BAZ2B: variants seen among roughly 807,000 people sequenced by gnomAD.
BAZ2B encodes the protein bromodomain adjacent to zinc finger domain 2B.
A neutral mutation model predicts 246.0 loss-of-function variants in BAZ2B; 91 were observed. That is an observed-to-expected ratio of 0.37 (90% CI 0.31 to 0.44). The LOEUF is 0.44. Among genes scored for constraint, BAZ2B ranks in the 20% least tolerant of loss-of-function variants. The probability of loss-of-function intolerance (pLI) is 1.00; values close to 1 mark genes in which losing one functional copy is unlikely to be tolerated. For missense variants in BAZ2B, 2,332 were observed against 2,533.7 expected, an observed-to-expected ratio of 0.92 and a Z score of 1.71; for synonymous variants, 855 against 860.0, an observed-to-expected ratio of 0.99 and a Z score of 0.10.
intron 1 of BAZ2B, among the ~76,000 whole-genome samples, chr2:159,568,556 TA>T (rs35757082): frequency 0.85 from 128,239 of 150,032 alleles, 56,975 homozygotes; most frequent in East Asian, 1. Flanking sequence ...ACTGAAAAGT[TA>T]AAAAAAAAAA....
At chr2:159,520,110 A>G (rs753160600) in intron 2 of BAZ2B, among the ~76,000 whole-genome samples, 12 of 152,194 alleles carry the variant, frequency 7.9e-5, no homozygotes, top group Non-Finnish European at 1.5e-4. Context: ...TTATACAAGA[A>G]AAAACAAGAT....
At chr2:159,360,572 T>TGACA (rs200555222) in intron 27 of BAZ2B, among the ~76,000 whole-genome samples, 5 of 151,974 alleles carry the variant, frequency 3.3e-5, no homozygotes, top group Non-Finnish European at 7.4e-5. Context: ...AAGCTACCAC[T>TGACA]TTCTTCACAG....
At chr2:159,647,495 G>A in the BAZ2B span, among the ~76,000 whole-genome samples, 2 of 152,238 alleles carry the variant, frequency 1.3e-5, no homozygotes, top group East Asian at 1.9e-4. Flanking sequence ...TGATTCAAAT[G>A]TACATTTCAT....
At chr2:159,611,922 A>G (rs886826655) in intron 1 of BAZ2B, among the ~76,000 whole-genome samples, 15 of 151,952 alleles carry the variant, frequency 9.9e-5, no homozygotes, top group Non-Finnish European at 2.1e-4. Flanking sequence ...CACCATGCAA[A>G]TAATTAGAAA....
rs2064488723 is a variant in BAZ2B at position 159,398,861 on chromosome 2, C to T, written c.2932G>A (p.Ala978Thr). Residue 978 changes from alanine (A) to threonine (T), a missense_variant, in exon 18 of 37, where the codon GCC becomes ACC. Around this residue, in one of 9 missense-constraint regions of BAZ2B, gnomAD observed 328 missense variants for 410.4 expected, o/e 0.80. Transcript: ENST00000392783. The part of the protein sequence containing the change: ...KKKKKEEAAN[A>T]KLLEAEKRIK... ...CGTTTCTCGGCCTCCAATAATTTGG[C>T]ATTTGCCGCTTCTTCCTTCTTTTTC... 1 of 1,611,278 alleles carries T rather than the reference C, an allele frequency of 6.2e-7. No homozygotes were observed. The highest frequency in any genetic ancestry group is 8.5e-7 in the Non-Finnish European group (1 of 1,179,716).
chr2:159,602,124 T>C (rs1692300481), intron 1 of BAZ2B, among the ~76,000 whole-genome samples: 1 of 152,140 alleles, frequency 6.6e-6, no homozygotes, highest in South Asian at 2.1e-4. Flanking sequence ...GACTCCACCA[T>C]GCATAAAGAT....
chr2:159,610,328 T>A (rs1358763909), intron 1 of BAZ2B, among the ~76,000 whole-genome samples: 4 of 152,144 alleles, frequency 2.6e-5, no homozygotes, highest in South Asian at 4.1e-4. Context: ...AGTATTAACC[T>A]CTAGGGTTTG....
chr2:159,492,781 A>C (rs947097699), intron 2 of BAZ2B, among the ~76,000 whole-genome samples: 1 of 152,260 alleles, frequency 6.6e-6, no homozygotes, highest in Non-Finnish European at 1.5e-5. Context: ...TTGATTAAAA[A>C]TAATTGTATT....
intron 1 of BAZ2B, among the ~76,000 whole-genome samples, chr2:159,563,983 C>G (rs796807250): frequency 1.3e-5 from 2 of 152,084 alleles, no homozygotes; most frequent in South Asian, 4.1e-4. Flanking sequence ...CTGTGTTAGA[C>G]CTGGGAGTAT....
intron 2 of BAZ2B, among the ~76,000 whole-genome samples, chr2:159,531,586 T>C (rs2085384698): frequency 1.3e-5 from 2 of 152,206 alleles, no homozygotes; most frequent in African/African-American, 2.4e-5. Context: ...TCCTGAATAC[T>C]AGAAGGTCAC....
chr2:159,563,019 C>A (rs1337214806), intron 1 of BAZ2B, among the ~76,000 whole-genome samples: 1 of 152,074 alleles, frequency 6.6e-6, no homozygotes. Context: ...CAGACTATGG[C>A]TGTGAAGACT....
chr2:159,485,964 CAG>C (rs2079786059), intron 2 of BAZ2B, among the ~76,000 whole-genome samples: 2 of 152,012 alleles, frequency 1.3e-5, no homozygotes, highest in Admixed American at 1.3e-4. Context: ...ATAATCTATT[CAG>C]AGAGTATCCC....
At chr2:159,420,068 C>T (rs2068458804) in intron 13 of BAZ2B, among the ~76,000 whole-genome samples, 1 of 152,194 alleles carries the variant, frequency 6.6e-6, no homozygotes, top group Non-Finnish European at 1.5e-5. Context: ...CAGCATTGTG[C>T]CTACTGTTTT....
intron 26 of BAZ2B, 65 bp from the exon 27 acceptor site, chr2:159,373,254 T>G (rs1190620585): frequency 6.9e-7 from 1 of 1,439,026 alleles, no homozygotes; most frequent in Non-Finnish European, 9.4e-7. Flanking sequence ...TTAATATATA[T>G]GTAACTTTAT....
At chr2:159,668,915 G>A in the BAZ2B span, among the ~76,000 whole-genome samples, 4 of 152,044 alleles carry the variant, frequency 2.6e-5, no homozygotes, top group Non-Finnish European at 5.9e-5. Flanking sequence ...AATTAGCCGG[G>A]CATGGTGGTG....
chr2:159,520,711 C>T (rs1005071389), intron 2 of BAZ2B, among the ~76,000 whole-genome samples: 4 of 152,214 alleles, frequency 2.6e-5, no homozygotes, highest in South Asian at 2.1e-4. Context: ...ATACAATCAA[C>T]CCATATTTAA....
At chr2:159,603,953 CA>C (rs1692786743) in intron 1 of BAZ2B, among the ~76,000 whole-genome samples, 1 of 152,164 alleles carries the variant, frequency 6.6e-6, no homozygotes, top group Non-Finnish European at 1.5e-5. Context: ...CAACATAAAA[CA>C]AACTAATAAT....
In BAZ2B at chr2:159,349,310, A is replaced by G. The variant is rs2058310287; in HGVS notation, c.4864-30T>C. On this transcript the variant is annotated intron_variant, in intron 28 of 36. Coordinates refer to ENST00000392783, the MANE Select transcript of BAZ2B (RefSeq NM_013450.4). ...AAAAAGAAAACATTTATTAATGAAA[A>G]GTAGATTACTCTAAGAAGTTAGGAA... is the stretch of plus-strand genomic sequence containing the variant. 2.6e-6 allele frequency: 4 copies of G among 1,552,430 alleles called. No individual in the cohort carries two copies. The Middle Eastern group carries it at 5.2e-4, about 201-fold the overall frequency.
Position 159,319,962 on chromosome 2 carries a change from C to T in BAZ2B, c.*303G>A, listed in dbSNP as rs1279920853. The T allele has an allele frequency of 5.4e-6, 1 of 186,034 alleles. No homozygotes were observed. Among genetic ancestry groups the T allele is most frequent in the African/African-American group, 2.3e-5 (1 of 43,046 alleles). The allele number at this position is 186,034 out of a possible 1,614,324, so 11.5% of individuals were successfully genotyped here. A position where few individuals can be genotyped will look rare whatever the true frequency, so the allele number is the denominator to read the frequency against. On this transcript the variant is annotated 3_prime_UTR_variant, in exon 37 of 37. Transcript: ENST00000392783. This position sits in a 1 kb window ranked among gnomAD's most constrained non-coding sequence, Gnocchi z 4.0. Reference sequence around the variant, plus strand: ...GAGCTCTGGTGTTGAGTATTCAGTGCGATTTGATATATTTTAATTGCTATT... The same window carrying T: ...GAGCTCTGGTGTTGAGTATTCAGTGTGATTTGATATATTTTAATTGCTATT...
Sources: gnomAD v4.1 joint callset for allele counts (sites outside exome capture counted in the v4.1 genomes callset) on GRCh38, gnomAD v4.1.1 for gene constraint, gnomAD v4.1.1 regional missense constraint, Gnocchi (gnomAD v3.1) non-coding constraint, MANE v1.5 for transcripts, NCBI Gene and HGNC (gene_info 2026-07-23, HGNC 2026-07-21) for gene names.